The following AFAP1L2 variants were observed in gnomAD, a reference collection of about 807,000 sequenced individuals.
AFAP1L2 encodes actin filament-associated protein 1-like 2.
Under a neutral mutation model 99.3 loss-of-function variants are expected in AFAP1L2, and 46 were observed. The ratio of observed to expected loss-of-function variants is 0.46; its 90% CI spans 0.37 to 0.59. The LOEUF (loss-of-function observed/expected upper bound fraction) is 0.59, where lower values mean the gene tolerates loss of function less well. AFAP1L2 is among the 20% of genes least tolerant of loss of function. The pLI is 0.00. For synonymous variants in AFAP1L2, 397 were observed against 419.1 expected (o/e 0.95, Z 0.64); for missense variants, 959 against 1,034.9 (o/e 0.93, Z 1.01).
intron 1 of AFAP1L2, among the ~76,000 whole-genome samples, chr10:114,392,670 C>G (rs1054410145): frequency 6.6e-6 from 1 of 152,216 alleles, no homozygotes; most frequent in African/African-American, 2.4e-5. Context: ...CATTTTCACA[C>G]TCATAATGGT....
the AFAP1L2 span, chr10:114,280,753 T>A: frequency 1.3e-5 from 2 of 152,168 alleles, no homozygotes; most frequent in African/African-American, 2.4e-5. Context: ...TATTATTATT[T>A]TTTTGAGACA....
chr10:114,285,906 G>T, the AFAP1L2 span: 1 of 1,551,740 alleles, frequency 6.4e-7, no homozygotes, highest in Non-Finnish European at 8.7e-7. Flanking sequence ...CATGACCATG[G>T]CTTGACAGTG....
chr10:114,307,698 T>C, intron 10 of AFAP1L2, 107 bp downstream of exon 10: 1 of 880,510 alleles, frequency 1.1e-6, no homozygotes, highest in South Asian at 1.5e-5. Context: ...CCTAGAGATG[T>C]TTACGGAAGA....
chr10:114,338,968 T>A (rs2048371131), intron 2 of AFAP1L2, among the ~76,000 whole-genome samples: 1 of 152,190 alleles, frequency 6.6e-6, no homozygotes, highest in Non-Finnish European at 1.5e-5. Context: ...TTCCCTTGGG[T>A]TGTATAATAT....
chr10:114,366,378 A>T (rs1424473139), intron 1 of AFAP1L2, among the ~76,000 whole-genome samples: 2 of 152,168 alleles, frequency 1.3e-5, no homozygotes, highest in African/African-American at 4.8e-5. Flanking sequence ...GAGATGATCA[A>T]TGGAAGGGCA....
chr10:114,339,752 G>T (rs187703436), intron 2 of AFAP1L2, among the ~76,000 whole-genome samples: 1 of 152,148 alleles, frequency 6.6e-6, no homozygotes, highest in East Asian at 1.9e-4. Context: ...GGTGGCTTAC[G>T]CCTGTAATCC....
chr10:114,370,083 T>C (rs2053892792), intron 1 of AFAP1L2, among the ~76,000 whole-genome samples: 1 of 152,222 alleles, frequency 6.6e-6, no homozygotes, highest in Non-Finnish European at 1.5e-5. Context: ...AAATTAGAGA[T>C]ACTAGTGTCT....
At chr10:114,281,953 C>G in the AFAP1L2 span, among the ~76,000 whole-genome samples, 1 of 151,242 alleles carries the variant, frequency 6.6e-6, no homozygotes. Context: ...AAAGCTGTTG[C>G]TACAGTTTGG....
At chr10:114,365,917 A>G (rs1362126720) in intron 1 of AFAP1L2, among the ~76,000 whole-genome samples, 1 of 151,500 alleles carries the variant, frequency 6.6e-6, no homozygotes, top group Non-Finnish European at 1.5e-5. Context: ...TTTTTTGTAT[A>G]GAGATGGGGG....
intron 1 of AFAP1L2, among the ~76,000 whole-genome samples, chr10:114,397,784 A>T (rs1346927685): frequency 6.6e-6 from 1 of 152,142 alleles, no homozygotes; most frequent in South Asian, 2.1e-4. Flanking sequence ...CTCTTGCTTT[A>T]ATCTCCAGCA....
At chr10:114,358,771 C>T (rs1564972820) in intron 1 of AFAP1L2, among the ~76,000 whole-genome samples, 1 of 151,932 alleles carries the variant, frequency 6.6e-6, no homozygotes, top group African/African-American at 2.4e-5. Flanking sequence ...AAAAATTAGC[C>T]GGGCGTGGTG....
chr10:114,391,866 C>T (rs2057196005), intron 1 of AFAP1L2, among the ~76,000 whole-genome samples: 1 of 152,274 alleles, frequency 6.6e-6, no homozygotes, highest in East Asian at 1.9e-4. Context: ...TGAGGAATGG[C>T]TGCAGAGGCT....
chr10:114,370,994 C>T lies in AFAP1L2; in HGVS notation c.17-30263G>A, dbSNP rs139095397. ...TAGATGACAGCAAGACAATATTAAACGGAACCTTAAGTCTCTCATGACCAT... is the reference window on the plus strand; with the variant it reads ...TAGATGACAGCAAGACAATATTAAATGGAACCTTAAGTCTCTCATGACCAT... On this transcript the variant is annotated intron_variant, in intron 1 of 18. Transcript: ENST00000304129. Among the ~76,000 whole-genome samples, 453 of 152,312 alleles carry T rather than the reference C, an allele frequency of 3.0e-3. 1 individual carries two copies. Among genetic ancestry groups the T allele is most frequent in the Middle Eastern group, 0.01 (3 of 294 alleles).
rs778865471 is a variant in AFAP1L2, at chr10:114,300,273, C to T, written c.1878G>A (p.Pro626=). ...TGGCCACCACGGCATCCGGGCAGCT[C>T]GGTGGGAAGGAGATTCTCTGCTGTT... is the stretch of plus-strand genomic sequence containing the variant. ...QTEQQRISFP[P]SCPDAVVATP... The change falls in exon 15 of 19, where the codon CCG becomes CCA. Residue 626 remains proline (P), a synonymous_variant. Coordinates refer to ENST00000304129, the MANE Select transcript of AFAP1L2 (RefSeq NM_001001936.3). 1.5e-5 allele frequency: 25 copies of T among 1,613,974 alleles called. No individual in the cohort carries two copies. The highest frequency in any genetic ancestry group is 1.3e-4 in the African/African-American group (10 of 74,898).
chr10:114,384,498 T>C lies in AFAP1L2; in HGVS notation c.16+19942A>G, dbSNP rs80006281. Among the ~76,000 whole-genome samples, 914 of 152,342 alleles carry C rather than the reference T, an allele frequency of 6.0e-3. 7 individuals are homozygous for C. The highest frequency in any genetic ancestry group is 0.021 in the African/African-American group (866 of 41,576). ...CTTGCCAGCAAATGAGAGACAGCTG[T>C]TGGGCTTGAATGGCATGTGGCTGAA... On this transcript the variant is annotated intron_variant, in intron 1 of 18. Transcript: ENST00000304129.
chr10:114,320,916 C>G (rs934690492), intron 5 of AFAP1L2, among the ~76,000 whole-genome samples: 2 of 152,302 alleles, frequency 1.3e-5, no homozygotes, highest in African/African-American at 4.8e-5. Flanking sequence ...CACAGCCCGA[C>G]TGGTGAGCTG....
chr10:114,280,740 T>G, the AFAP1L2 span: 1 of 152,004 alleles, frequency 6.6e-6, no homozygotes, highest in Non-Finnish European at 1.5e-5. Flanking sequence ...CAAACTTTGT[T>G]TTTATTATTA....
intron 10 of AFAP1L2, among the ~76,000 whole-genome samples, chr10:114,305,389 G>A (rs1589982101): frequency 7.0e-6 from 1 of 143,380 alleles, no homozygotes; most frequent in Non-Finnish European, 1.5e-5. Flanking sequence ...GAGCGGGGCT[G>A]CAGGAGGGGA....
chr10:114,290,463 C>G, downstream of AFAP1L2: 3 of 1,476,596 alleles, frequency 2.0e-6, no homozygotes, highest in Non-Finnish European at 2.7e-6. Context: ...CTAAAACATT[C>G]GTTCAGTGGA....
Sources: gnomAD v4.1 joint callset for allele counts (sites outside exome capture counted in the v4.1 genomes callset) on GRCh38, gnomAD v4.1.1 for gene constraint, MANE v1.5 for transcripts, NCBI Gene and HGNC (gene_info 2026-07-23, HGNC 2026-07-21) for gene names.